The following EPHA6 variants were observed in gnomAD, a reference collection of about 807,000 sequenced individuals.
EPHA6 encodes EPH receptor A6.
In EPHA6, 50 loss-of-function variants were observed where a neutral mutation model predicts 112.0. The observed-to-expected ratio is 0.45, with a 90% CI of 0.36 to 0.56. The LOEUF is 0.56. Among genes scored for constraint, EPHA6 ranks in the 20% least tolerant of loss-of-function variants. EPHA6 has a pLI of 0.00. For missense variants in EPHA6, 1,280 were observed against 1,417.4 expected (o/e 0.90, Z 1.56); for synonymous variants, 529 against 490.7 (o/e 1.08, Z -1.03).
At chr3:97,273,748 T>G (rs963381117) in intron 5 of EPHA6, among the ~76,000 whole-genome samples, 1 of 152,150 alleles carries the variant, frequency 6.6e-6, no homozygotes, top group Non-Finnish European at 1.5e-5. Flanking sequence ...TAAAGGCTGG[T>G]CTGCTATCGG....
chr3:97,716,665 A>C (rs1046630156), intron 14 of EPHA6, among the ~76,000 whole-genome samples: 11 of 151,572 alleles, frequency 7.3e-5, no homozygotes, highest in Non-Finnish European at 1.5e-4. Flanking sequence ...TGCCTGAAGG[A>C]CTTCTTCCTT....
intron 13 of EPHA6, among the ~76,000 whole-genome samples, chr3:97,615,757 T>C (rs1399369791): frequency 6.6e-6 from 1 of 152,132 alleles, no homozygotes; most frequent in Non-Finnish European, 1.5e-5. Context: ...TCCTCACTGG[T>C]GGGGCATCCC....
At chr3:97,316,378 C>G (rs1389181291) in intron 5 of EPHA6, among the ~76,000 whole-genome samples, 9 of 151,838 alleles carry the variant, frequency 5.9e-5, no homozygotes, top group Non-Finnish European at 1.3e-4. Flanking sequence ...ATATGCATTA[C>G]ATTGTGACCC....
At chr3:97,686,968 T>A (rs1305384008) in intron 14 of EPHA6, among the ~76,000 whole-genome samples, 2 of 152,186 alleles carry the variant, frequency 1.3e-5, no homozygotes, top group African/African-American at 4.8e-5. Context: ...CTCACAGTTC[T>A]GAGAGTTGTT....
intron 3 of EPHA6, among the ~76,000 whole-genome samples, chr3:97,044,324 A>G (rs1295672041): frequency 6.6e-6 from 1 of 152,218 alleles, no homozygotes; most frequent in Non-Finnish European, 1.5e-5. Context: ...AAATGAAATT[A>G]ACTTTTGACT....
At chr3:97,136,102 A>T (rs1005412297) in intron 3 of EPHA6, among the ~76,000 whole-genome samples, 6 of 152,186 alleles carry the variant, frequency 3.9e-5, no homozygotes, top group Admixed American at 3.3e-4. Context: ...AATCATTTGT[A>T]CATTTTCTTT....
At chr3:96,982,746 A>G (rs1485641710) in intron 2 of EPHA6, among the ~76,000 whole-genome samples, 2 of 152,118 alleles carry the variant, frequency 1.3e-5, no homozygotes, top group Non-Finnish European at 1.5e-5. Context: ...TTCTGTATTG[A>G]ATGCATATAT....
chr3:97,738,158 A>T (rs1202709364), intron 16 of EPHA6, among the ~76,000 whole-genome samples: 6 of 150,912 alleles, frequency 4.0e-5, no homozygotes, highest in African/African-American at 9.7e-5. Context: ...CATAATACCA[A>T]TTTTTTTTTT....
At chr3:97,302,477 GTTT>G (rs76344112) in intron 5 of EPHA6, among the ~76,000 whole-genome samples, 1 of 140,602 alleles carries the variant, frequency 7.1e-6, no homozygotes. Flanking sequence ...AACCTCAGGT[GTTT>G]TTTTTTTTTA....
rs139551553 is a variant in EPHA6 at position 97,102,241 on chromosome 3, G to A, written c.1114+114248G>A. On this transcript the variant is annotated intron_variant, in intron 3 of 17. Transcript: ENST00000389672. ...AACCATCCTCAGGAAGACACCAAAC[G>A]TATGAGTGAAGCAATCTTGGATTCT... Among the ~76,000 whole-genome samples the A allele has an allele frequency of 1.3e-4, 20 of 152,126 alleles. No individual in the cohort carries two copies. In the East Asian group the frequency reaches 3.3e-3, roughly 25 times the overall value.
intron 2 of EPHA6, among the ~76,000 whole-genome samples, chr3:96,971,425 A>T (rs907966771): frequency 6.6e-6 from 1 of 152,216 alleles, no homozygotes; most frequent in Non-Finnish European, 1.5e-5. Flanking sequence ...TCTGCACATG[A>T]TGCATTTTGC....
intron 7 of EPHA6, among the ~76,000 whole-genome samples, chr3:97,453,869 T>C (rs2090599900): frequency 6.6e-6 from 1 of 151,704 alleles, no homozygotes; most frequent in African/African-American, 2.4e-5. Flanking sequence ...ATGTCCCCAT[T>C]TGATGAATTT....
At chr3:96,998,870 T>C (rs889886682) in intron 3 of EPHA6, among the ~76,000 whole-genome samples, 3 of 151,956 alleles carry the variant, frequency 2.0e-5, no homozygotes, top group Non-Finnish European at 4.4e-5. Flanking sequence ...AATTTAAATC[T>C]CAGCAATAAT....
At chr3:97,498,331 A>G (rs1014980904) in intron 10 of EPHA6, among the ~76,000 whole-genome samples, 2 of 107,212 alleles carry the variant, frequency 1.9e-5, no homozygotes, top group Admixed American at 1.8e-4. Flanking sequence ...AGAAAATAGC[A>G]AAAAAAAAAA....
At chr3:97,472,762 C>T (rs2107450739) in intron 7 of EPHA6, among the ~76,000 whole-genome samples, 1 of 151,834 alleles carries the variant, frequency 6.6e-6, no homozygotes, top group South Asian at 2.1e-4. Flanking sequence ...TCAACATTAT[C>T]ATTTTACAGA....
At chr3:97,058,288 T>G (rs1020371431) in intron 3 of EPHA6, among the ~76,000 whole-genome samples, 4 of 146,996 alleles carry the variant, frequency 2.7e-5, no homozygotes, top group Non-Finnish European at 6.0e-5. Flanking sequence ...GAGTAAGGAG[T>G]TTTTTTTTTG....
intron 14 of EPHA6, among the ~76,000 whole-genome samples, chr3:97,712,894 G>T (rs557585151): frequency 6.6e-6 from 1 of 152,290 alleles, no homozygotes; most frequent in South Asian, 2.1e-4. Context: ...AGAGGAGGAG[G>T]AGAGTCTTTC....
At chr3:96,832,839 T>C (rs1453311908) in intron 1 of EPHA6, among the ~76,000 whole-genome samples, 1 of 152,042 alleles carries the variant, frequency 6.6e-6, no homozygotes, top group African/African-American at 2.4e-5. Context: ...TTCCATGGGC[T>C]ACCTTCCCAC....
At chr3:96,892,402 T>G (rs956827343) in intron 2 of EPHA6, among the ~76,000 whole-genome samples, 7 of 152,118 alleles carry the variant, frequency 4.6e-5, no homozygotes, top group East Asian at 3.9e-4. Context: ...TTTGTACTTT[T>G]TATAGAGATA....
Sources: gnomAD v4.1 joint callset for allele counts (sites outside exome capture counted in the v4.1 genomes callset) on GRCh38, gnomAD v4.1.1 for gene constraint, MANE v1.5 for transcripts, NCBI Gene and HGNC (gene_info 2026-07-23, HGNC 2026-07-21) for gene names.